Variants in RESF1 observed in about 807,000 individuals in gnomAD.
The protein encoded by RESF1 is retroelement silencing factor 1.
A neutral mutation model predicts 134.7 loss-of-function variants in RESF1; 65 were observed. That is an observed-to-expected ratio of 0.48 (90% CI 0.40 to 0.59). The LOEUF is 0.59. RESF1 is among the 20% of genes least tolerant of loss of function. The pLI is 0.00. For synonymous variants in RESF1, 762 were observed against 702.2 expected (o/e 1.09, Z -1.35); for missense variants, 2,274 against 2,002.7 (o/e 1.14, Z -2.59).
Position 31,983,401 on chromosome 12 carries a change from G to A in RESF1, c.2446G>A (p.Val816Ile), listed in dbSNP as rs376553451. The change falls in exon 4 of 6, where the codon GTT (valine) becomes ATT (isoleucine). Residue 816 changes from valine to isoleucine, a missense_variant. Physicochemically the swap from Val to Ile is conservative, Grantham distance 29. Transcript: ENST00000312561. ...ENAKATAALK[V>I]DVSGPVASTA... Reference sequence around the variant, plus strand: ...TGCAAAGGCAACTGCTGCTTTGAAAGTTGATGTTAGTGGACCAGTAGCAAG... The same window carrying A: ...TGCAAAGGCAACTGCTGCTTTGAAAATTGATGTTAGTGGACCAGTAGCAAG... 1.9e-6 allele frequency: 3 copies of A among 1,613,924 alleles called. No individual in the cohort carries two copies. In the African/African-American group the frequency reaches 4.0e-5, roughly 22 times the overall value.
rs959226050 is a variant in RESF1 at position 31,960,210 on chromosome 12, G to C, written c.-341-567G>C. On this transcript the variant is annotated intron_variant, in intron 1 of 5. Transcript: ENST00000312561. ...TAAGCAAACGTCCTTAGGGTCCTGA[G>C]TTCAGCAGCAAACTTTCGGGGAATC... Among the ~76,000 whole-genome samples the C allele has an allele frequency of 4.6e-4, 70 of 152,180 alleles. 2 individuals are homozygous for C. Among genetic ancestry groups the C allele is most frequent in the Admixed American group, 4.5e-3 (68 of 15,278 alleles).
chr12:31,963,276 G>GT (rs1442298436), intron 2 of RESF1, among the ~76,000 whole-genome samples: 1 of 151,432 alleles, frequency 6.6e-6, no homozygotes. Context: ...AACCCAGGAG[G>GT]GGAGGTTGCA....
In RESF1 at chr12:31,977,210, C is replaced by T. The variant is rs553277989; in HGVS notation, c.-78-3668C>T. Among the ~76,000 whole-genome samples, 104 of 152,212 alleles carry T rather than the reference C, an allele frequency of 6.8e-4. 1 individual carries two copies. Among genetic ancestry groups the T allele is most frequent in the African/African-American group, 2.4e-3 (101 of 41,538 alleles). The stretch of plus-strand genomic sequence containing the variant: ...CTCATGTTTTTTTGAGATGGAGTTT[C>T]GCTTTTGTTGCCCAGGCTTGAGTGC... On this transcript the variant is annotated intron_variant, in intron 3 of 5. Coordinates refer to ENST00000312561, the MANE Select transcript of RESF1 (RefSeq NM_018169.4).
Position 31,983,392 on chromosome 12 carries a change from G to A in RESF1, c.2437G>A (p.Ala813Thr). The A allele has an allele frequency of 1.9e-6, 3 of 1,614,044 alleles. No homozygotes were observed. Among genetic ancestry groups the A allele is most frequent in the East Asian group, 2.2e-5 (1 of 44,878 alleles). ...QLAENAKATA[A>T]LKVDVSGPVA... ...GGCAGAAAATGCAAAGGCAACTGCTGCTTTGAAAGTTGATGTTAGTGGACC... is the reference window on the plus strand; with the variant it reads ...GGCAGAAAATGCAAAGGCAACTGCTACTTTGAAAGTTGATGTTAGTGGACC... Residue 813 changes from alanine (A) to threonine (T), a missense_variant, in exon 4 of 6, where the codon GCT becomes ACT. Physicochemically the swap from Ala to Thr is moderately conservative, Grantham distance 58. Transcript: ENST00000312561.
intron 5 of RESF1, among the ~76,000 whole-genome samples, chr12:31,989,396 CAAAA>C (rs34529486): frequency 3.1e-5 from 3 of 98,202 alleles, no homozygotes; most frequent in African/African-American, 4.4e-5. Context: ...AGTCTTGTCT[CAAAA>C]AAAAAAAAAA....
intron 3 of RESF1, among the ~76,000 whole-genome samples, chr12:31,972,016 G>GTTTTT (rs1939519339): frequency 6.6e-6 from 1 of 152,152 alleles, no homozygotes; most frequent in South Asian, 2.1e-4. Context: ...AACCGGAAAG[G>GTTTTT]ATAGAGTTTA....
rs750332057 is a variant in RESF1 at position 31,982,389 on chromosome 12, A to C, written c.1434A>C (p.Thr478=). The change falls in exon 4 of 6, where the codon ACA becomes ACC. Residue 478 remains threonine, a synonymous_variant. Coordinates refer to ENST00000312561, the MANE Select transcript of RESF1 (RefSeq NM_018169.4). ...CAACAGTAGTGGAATCTGCAGAAAC[A>C]AATAAGACTCAATGTATGTTGAATT... The part of the protein sequence containing the change: ...QTPTVVESAE[T]NKTQCMLNSD... 6.2e-6 allele frequency: 10 copies of C among 1,614,176 alleles called. No homozygotes were observed. The East Asian group carries it at 2.2e-4, about 36-fold the overall frequency.
In RESF1 at chr12:31,983,691, A is replaced by C. The variant is rs1939871869; in HGVS notation, c.2736A>C (p.Ile912=). ...CTTACAATTCCCAAATAGCAAAGAT[A>C]TTCAGCTCTCTTCCCTTGAAAATGG... The part of the protein sequence containing the change: ...DTSYNSQIAK[I]FSSLPLKMVE... The change falls in exon 4 of 6, where the codon ATA becomes ATC. Residue 912 remains isoleucine (I), a synonymous_variant. Transcript: ENST00000312561. The C allele has an allele frequency of 6.2e-7, 1 of 1,613,818 alleles. No homozygotes were observed. The highest frequency in any genetic ancestry group is 1.3e-5 in the African/African-American group (1 of 74,926).
chr12:31,981,853 C>A lies in RESF1; in HGVS notation c.898C>A (p.His300Asn). ...PLQSTQHITK[H>N]LSMEVPQSRE... ...GCAAAGTACTCAGCATATTACTAAA[C>A]ACTTGTCTATGGAAGTTCCTCAGAG... The change falls in exon 4 of 6, where the codon CAC becomes AAC. Residue 300 changes from histidine to asparagine, a missense_variant. By Grantham distance (68) the His-to-Asn change is moderately conservative. Transcript: ENST00000312561. 1 of 1,614,110 alleles carries A rather than the reference C, an allele frequency of 6.2e-7. No individual in the cohort carries two copies. Among genetic ancestry groups the A allele is most frequent in the Non-Finnish European group, 8.5e-7 (1 of 1,180,038 alleles).
In RESF1 at chr12:31,992,455, T is replaced by G; in HGVS notation, c.5164T>G (p.Ser1722Ala). Residue 1722 changes from serine to alanine, a missense_variant, in exon 6 of 6, where the codon TCA becomes GCA. Transcript: ENST00000312561. Reference protein sequence around the residue: ...FEMLQNPVKDSKEMFQTYKQM... With the variant: ...FEMLQNPVKDAKEMFQTYKQM... ...GATGCTACAAAACCCAGTAAAAGAT[T>G]CAAAAGAAATGTTTCAAACCTACAA... 6.2e-7 allele frequency: 1 copy of G among 1,613,908 alleles called. No homozygotes were observed. The highest frequency in any genetic ancestry group is 8.5e-7 in the Non-Finnish European group (1 of 1,179,876).
intron 5 of RESF1, among the ~76,000 whole-genome samples, chr12:31,991,211 C>T (rs1241140928): frequency 7.8e-6 from 1 of 128,168 alleles, no homozygotes; most frequent in Non-Finnish European, 1.7e-5. Context: ...AAAAAAAAAA[C>T]CCACAGGAGA....
Position 31,985,507 on chromosome 12 carries a change from A to G in RESF1, c.4552A>G (p.Asn1518Asp). ...SLNGLTSHGKNLKIHHSQESK... is the reference protein window; with the variant it reads ...SLNGLTSHGKDLKIHHSQESK... ...AAATGGCTTGACAAGCCATGGTAAA[A>G]ACCTCAAAATCCACCATTCTCAGGA... The change falls in exon 4 of 6, where the codon AAC becomes GAC. Residue 1518 changes from asparagine to aspartate, a missense_variant. Coordinates refer to ENST00000312561, the MANE Select transcript of RESF1 (RefSeq NM_018169.4). The G allele has an allele frequency of 6.2e-7, 1 of 1,603,214 alleles. No individual in the cohort carries two copies. Among genetic ancestry groups the G allele is most frequent in the Non-Finnish European group, 8.5e-7 (1 of 1,177,040 alleles).
intron 3 of RESF1, among the ~76,000 whole-genome samples, chr12:31,973,867 T>C (rs1203690067): frequency 6.6e-6 from 1 of 152,174 alleles, no homozygotes; most frequent in African/African-American, 2.4e-5. Context: ...TGACAACAAC[T>C]GGGTGTCCTA....
intron 3 of RESF1, among the ~76,000 whole-genome samples, chr12:31,972,054 G>A (rs374246457): frequency 9.9e-5 from 15 of 152,154 alleles, no homozygotes; most frequent in African/African-American, 3.6e-4. Context: ...CTGAGCAGGT[G>A]GAGGTTCCTA....
Position 31,985,494 on chromosome 12 carries a change from A to G in RESF1, c.4539A>G (p.Thr1513=), listed in dbSNP as rs1939948971. 1.2e-6 allele frequency: 2 copies of G among 1,604,254 alleles called. No individual in the cohort carries two copies. The highest frequency in any genetic ancestry group is 1.7e-6 in the Non-Finnish European group (2 of 1,177,352). Residue 1513 remains threonine, a synonymous_variant, in exon 4 of 6, where the codon ACA becomes ACG. Transcript: ENST00000312561. ...CTAAAGAATCATTAAATGGCTTGAC[A>G]AGCCATGGTAAAAACCTCAAAATCC... The part of the protein sequence containing the change: ...QTSKESLNGL[T]SHGKNLKIHH...
chr12:31,987,427 CTTTT>C (rs58806380), intron 5 of RESF1, 105 bp downstream of exon 5: 3 of 488,596 alleles, frequency 6.1e-6, no homozygotes, highest in South Asian at 6.6e-5. Context: ...TATCCATGTT[CTTTT>C]TTTTTTTTCA....
chr12:31,987,143 C>A, intron 4 of RESF1, 96 bp from the exon 5 acceptor site: 1 of 696,112 alleles, frequency 1.4e-6, no homozygotes, highest in Middle Eastern at 3.3e-4. Context: ...TAGGGCCTTT[C>A]AAAATCTATT....
intron 5 of RESF1, among the ~76,000 whole-genome samples, chr12:31,991,863 T>G (rs779419022): frequency 6.6e-6 from 1 of 152,170 alleles, no homozygotes; most frequent in Admixed American, 6.5e-5. Flanking sequence ...ATATTTTCAA[T>G]AGGTGATGGG....
At position 31,985,790 on chromosome 12, in the gene RESF1, G is replaced by C; in HGVS notation, c.4835G>C (p.Arg1612Thr). ...SSPRKLHKDK[R>T]QENKHKTFLP... is the part of the protein sequence containing the mutation. ...CCCAGGAAGCTTCATAAAGATAAGA[G>C]ACAGGAAAATAAACATAAGACCTTT... is the stretch of plus-strand genomic sequence containing the variant. The change falls in exon 4 of 6, where the codon AGA (arginine) becomes ACA (threonine). Residue 1612 changes from arginine (R) to threonine (T), a missense_variant. Arg to Thr is a moderately conservative substitution (Grantham distance 71). Transcript: ENST00000312561. 2 of 1,567,328 alleles carry C rather than the reference G, an allele frequency of 1.3e-6. No homozygotes were observed. Among genetic ancestry groups the C allele is most frequent in the Non-Finnish European group, 1.7e-6 (2 of 1,164,664 alleles).
Sources: allele counts gnomAD v4.1 joint callset (sites outside exome capture counted in the v4.1 genomes callset), GRCh38; gene constraint gnomAD v4.1.1; transcripts MANE v1.5; gene names NCBI Gene and HGNC (gene_info 2026-07-23, HGNC 2026-07-21).